GYS2: variants seen among roughly 807,000 people sequenced by gnomAD.
GYS2 encodes the protein glycogen [starch] synthase, liver.
Under a neutral mutation model 85.6 loss-of-function variants are expected in GYS2, and 80 were observed. The ratio of observed to expected loss-of-function variants is 0.93; its 90% CI spans 0.78 to 1.13. The LOEUF (loss-of-function observed/expected upper bound fraction) is 1.13. GYS2 is among the 50% of genes most tolerant of loss of function. The pLI, the probability that GYS2 is intolerant of heterozygous loss-of-function variation, is 0.00. For missense variants in GYS2, 881 were observed against 854.9 expected (o/e 1.03, Z -0.38); for synonymous variants, 328 against 300.7 (o/e 1.09, Z -0.94).
chr12:21,537,197 CAT>C (rs1375813261), intron 15 of GYS2, 22 bp from the exon 16 acceptor site: 1 of 1,534,552 alleles, frequency 6.5e-7, no homozygotes, highest in Non-Finnish European at 9.0e-7. Context: ...AAAAATAAGA[CAT>C]AAACATCACA....
At chr12:21,551,029 C>G (rs1010679421) in intron 11 of GYS2, among the ~76,000 whole-genome samples, 1 of 150,508 alleles carries the variant, frequency 6.6e-6, no homozygotes, top group Non-Finnish European at 1.5e-5. Context: ...TTTTATTATA[C>G]TTTAAGTTTT....
Position 21,593,748 on chromosome 12 carries a change from C to T in GYS2, c.121+10724G>A, listed in dbSNP as rs938751314. Among the ~76,000 whole-genome samples, 10 of 152,128 alleles carry T rather than the reference C, an allele frequency of 6.6e-5. No individual in the cohort carries two copies. The South Asian group carries it at 2.1e-3, about 32-fold the overall frequency. On this transcript the variant is annotated intron_variant, in intron 1 of 15. Coordinates refer to ENST00000261195, the MANE Select transcript of GYS2 (RefSeq NM_021957.4). ...AAAAATTAAACAGGAAGGAATTCTC[C>T]CTAACTCATTCTCTGAGGCCAGTAT...
intron 1 of GYS2, among the ~76,000 whole-genome samples, chr12:21,590,868 A>T (rs1198440651): frequency 6.6e-6 from 1 of 152,188 alleles, no homozygotes; most frequent in Non-Finnish European, 1.5e-5. Flanking sequence ...ACAGACACTG[A>T]TGATACTGTT....
intron 1 of GYS2, among the ~76,000 whole-genome samples, chr12:21,583,395 A>T (rs1465719908): frequency 6.6e-6 from 1 of 152,176 alleles, no homozygotes; most frequent in Admixed American, 6.5e-5. Flanking sequence ...GAGGCAACAT[A>T]TTCCTGATTT....
rs551479881 is a variant in GYS2, at chr12:21,544,859, A to G, written c.1549+1485T>C. ...AAATTATGCTTGGTGAAGCTAGAAC[A>G]ATAGAATAGGACCTTATGACCAAAC... On this transcript the variant is annotated intron_variant, in intron 12 of 15. Transcript: ENST00000261195. Among the ~76,000 whole-genome samples the G allele has an allele frequency of 7.2e-5, 11 of 152,340 alleles. No homozygotes were observed. In the South Asian group the frequency reaches 2.3e-3, roughly 32 times the overall value.
intron 1 of GYS2, among the ~76,000 whole-genome samples, chr12:21,589,929 C>T (rs1277273533): frequency 6.6e-6 from 1 of 152,120 alleles, no homozygotes; most frequent in Non-Finnish European, 1.5e-5. Context: ...TCTCTACATC[C>T]CTGAAGCTCT....
At chr12:21,577,718 A>G (rs1012068325) in intron 2 of GYS2, among the ~76,000 whole-genome samples, 7 of 152,304 alleles carry the variant, frequency 4.6e-5, no homozygotes, top group Admixed American at 4.6e-4. Context: ...CTACCCACAC[A>G]GCATCTCAAG....
chr12:21,569,896 C>A (rs1461630290), intron 4 of GYS2, among the ~76,000 whole-genome samples: 1 of 152,064 alleles, frequency 6.6e-6, no homozygotes, highest in Non-Finnish European at 1.5e-5. Context: ...GGAAATTGAA[C>A]CTTTTAGAGG....
chr12:21,583,349 A>G (rs1944533698), intron 1 of GYS2, among the ~76,000 whole-genome samples: 1 of 152,228 alleles, frequency 6.6e-6, no homozygotes, highest in South Asian at 2.1e-4. Flanking sequence ...CAACCAAGAA[A>G]TAGGCACAAC....
intron 11 of GYS2, among the ~76,000 whole-genome samples, chr12:21,557,188 A>G (rs1383676834): frequency 1.3e-5 from 2 of 152,224 alleles, no homozygotes; most frequent in African/African-American, 4.8e-5. Flanking sequence ...ATTTGAAAAG[A>G]TTCATTGTGG....
chr12:21,598,298 A>T (rs1944718207), intron 1 of GYS2, among the ~76,000 whole-genome samples: 2 of 152,102 alleles, frequency 1.3e-5, no homozygotes, highest in South Asian at 4.1e-4. Context: ...ATGTAACAAA[A>T]TGTCACATGT....
At chr12:21,592,942 C>T (rs1362639361) in intron 1 of GYS2, among the ~76,000 whole-genome samples, 1 of 151,858 alleles carries the variant, frequency 6.6e-6, no homozygotes, top group East Asian at 1.9e-4. Context: ...CTTCTCAGAC[C>T]ACAATGGAAT....
At chr12:21,600,901 C>T (rs1944749209) in intron 1 of GYS2, among the ~76,000 whole-genome samples, 1 of 151,990 alleles carries the variant, frequency 6.6e-6, no homozygotes, top group Non-Finnish European at 1.5e-5. Flanking sequence ...GGTGTAGTGT[C>T]AAGACTGAGG....
Position 21,582,582 on chromosome 12 carries a change from GATAGATATAGAGATAGAT to G in GYS2, c.122-2077_122-2060del, listed in dbSNP as rs1407008073. ...ACTCTCATATAGATATAGATATAGAGATAGATATAGAGATAGATATAGATATAGATATAGATATAGATA... is the reference window on the plus strand; with the variant it reads ...ACTCTCATATAGATATAGATATAGAGATAGATATAGATATAGATATAGATA... On this transcript the variant is annotated intron_variant, in intron 1 of 15. Coordinates refer to ENST00000261195, the MANE Select transcript of GYS2 (RefSeq NM_021957.4). Among the ~76,000 whole-genome samples the G allele has an allele frequency of 3.4e-3, 388 of 114,816 alleles. 1 individual carries two copies. Among genetic ancestry groups the G allele is most frequent in the African/African-American group, 0.011 (338 of 30,310 alleles). 75.3% of individuals were successfully genotyped at this position (114,816 alleles called of 152,430 possible).
intron 1 of GYS2, among the ~76,000 whole-genome samples, chr12:21,591,753 T>C (rs1461850258): frequency 6.6e-6 from 1 of 152,080 alleles, no homozygotes; most frequent in African/African-American, 2.4e-5. Context: ...GTCTAGTCAC[T>C]TATAAGGGAA....
Position 21,551,022 on chromosome 12 carries a change from T to TTA in GYS2, c.1423-4553_1423-4552insTA, listed in dbSNP as rs960086694. On this transcript the variant is annotated intron_variant, in intron 11 of 15. Transcript: ENST00000261195. ...TTTTCTTTTTTTTTTAATTTTTTTT[T>TTA]ATTATACTTTAAGTTTTAGGGTACA... Among the ~76,000 whole-genome samples, 146 of 149,756 alleles carry TTA rather than the reference T, an allele frequency of 9.7e-4. 3 individuals carry two copies. Among genetic ancestry groups the TTA allele is most frequent in the African/African-American group, 3.4e-3 (140 of 40,686 alleles).
At chr12:21,572,149 TG>T (rs1860222426) in intron 4 of GYS2, among the ~76,000 whole-genome samples, 1 of 152,188 alleles carries the variant, frequency 6.6e-6, no homozygotes, top group African/African-American at 2.4e-5. Flanking sequence ...TTTCATACGC[TG>T]GCTGAAAATG....
At chr12:21,559,237 C>A (rs908753268) in intron 9 of GYS2, 68 bp from the exon 10 acceptor site, 6 of 772,598 alleles carry the variant, frequency 7.8e-6, no homozygotes, top group Non-Finnish European at 1.1e-5. Flanking sequence ...TCCTAAGCAT[C>A]AGATTATATA....
chr12:21,558,219 T>C lies in GYS2; in HGVS notation c.1403A>G (p.Asn468Ser), dbSNP rs991088508. Residue 468 changes from asparagine (N) to serine (S), a missense_variant, in exon 11 of 16, where the codon AAC becomes AGC. Transcript: ENST00000261195. Reference sequence around the variant, plus strand: ...TTCTACCTTGACTCTATCTGTGCGGTTGTTGAAAAGTCCAATCCGTCTAAT... The same window carrying C: ...TTCTACCTTGACTCTATCTGTGCGGCTGTTGAAAAGTCCAATCCGTCTAAT... ...STIRRIGLFN[N>S]RTDRVKVILH... 2 of 1,608,094 alleles carry C rather than the reference T, an allele frequency of 1.2e-6. No homozygotes were observed. Among genetic ancestry groups the C allele is most frequent in the East Asian group, 2.2e-5 (1 of 44,842 alleles).
Sources: allele counts gnomAD v4.1 joint callset (sites outside exome capture counted in the v4.1 genomes callset), GRCh38; gene constraint gnomAD v4.1.1; transcripts MANE v1.5; gene names NCBI Gene and HGNC (gene_info 2026-07-23, HGNC 2026-07-21).